Variants in PTPRT observed in about 807,000 individuals in gnomAD.
PTPRT encodes the protein protein tyrosine phosphatase receptor type T.
A neutral mutation model predicts 176.8 loss-of-function variants in PTPRT; 56 were observed. The ratio of observed to expected loss-of-function variants is 0.32; its 90% CI spans 0.26 to 0.40. The LOEUF (loss-of-function observed/expected upper bound fraction) is 0.40, where lower values mean the gene tolerates loss of function less well. PTPRT is among the 10% of genes least tolerant of loss of function. The probability of loss-of-function intolerance (pLI) is 1.00; values close to 1 mark genes in which losing one functional copy is unlikely to be tolerated. For synonymous variants in PTPRT, 783 were observed against 739.0 expected (o/e 1.06, Z -0.96); for missense variants, 1,540 against 1,908.2 (o/e 0.81, Z 3.60).
In PTPRT at chr20:42,076,669, A is replaced by G. The variant is rs1982802106; in HGVS notation, c.*4210T>C. 1 of 198,294 alleles carries G rather than the reference A, an allele frequency of 5.0e-6. No homozygotes were observed. Among genetic ancestry groups the G allele is most frequent in the Non-Finnish European group, 1.0e-5 (1 of 95,956 alleles). The allele number at this position is 198,294 out of a possible 1,614,324, so 12.3% of individuals were successfully genotyped here. On this transcript the variant is annotated 3_prime_UTR_variant, in exon 31 of 31. Coordinates refer to ENST00000373187, the MANE Select transcript of PTPRT (RefSeq NM_007050.6). ...AGTCAATTCTAGGGTCAAGCTGAAG[A>G]CCAGCTGACCTAGGGTCCGTCATAG...
intron 11 of PTPRT, among the ~76,000 whole-genome samples, chr20:42,323,203 G>A (rs990819418): frequency 9.2e-5 from 14 of 152,214 alleles, no homozygotes; most frequent in African/African-American, 1.4e-4. Context: ...TCACTGTGGC[G>A]ATTCCTCAGG....
At chr20:42,528,317 T>A (rs185105949) in intron 7 of PTPRT, among the ~76,000 whole-genome samples, 7 of 152,156 alleles carry the variant, frequency 4.6e-5, no homozygotes, top group Admixed American at 2.0e-4. Context: ...GATTTCCCTG[T>A]CTTTATGTCC....
chr20:42,238,540 A>G (rs1197042303), intron 14 of PTPRT, among the ~76,000 whole-genome samples: 3 of 152,230 alleles, frequency 2.0e-5, no homozygotes, highest in Non-Finnish European at 2.9e-5. Context: ...TGGCAGGTCC[A>G]GTGCCTGGAA....
intron 11 of PTPRT, among the ~76,000 whole-genome samples, chr20:42,338,748 TG>T (rs1252068533): frequency 2.0e-5 from 3 of 152,212 alleles, no homozygotes; most frequent in African/African-American, 7.2e-5. Flanking sequence ...AAGCAGGGCC[TG>T]AATCCTATGT....
chr20:42,818,861 G>A (rs1182632056), intron 2 of PTPRT, among the ~76,000 whole-genome samples: 4 of 152,104 alleles, frequency 2.6e-5, no homozygotes, highest in African/African-American at 9.7e-5. Flanking sequence ...AGAAAAGAAG[G>A]AAAAGGAATG....
intron 1 of PTPRT, among the ~76,000 whole-genome samples, chr20:43,037,483 A>G (rs1351656175): frequency 1.3e-5 from 2 of 152,240 alleles, no homozygotes; most frequent in East Asian, 3.8e-4. Context: ...CCAAAGCAAG[A>G]GAGAGGGATC....
chr20:42,444,109 C>G (rs1161454889), intron 9 of PTPRT, among the ~76,000 whole-genome samples: 1 of 152,188 alleles, frequency 6.6e-6, no homozygotes, highest in Non-Finnish European at 1.5e-5. Context: ...CACCCTTTCC[C>G]CCACACAGTC....
intron 1 of PTPRT, among the ~76,000 whole-genome samples, chr20:42,905,565 G>A (rs968091302): frequency 1.3e-5 from 2 of 152,152 alleles, no homozygotes; most frequent in African/African-American, 2.4e-5. Context: ...TCCCATTACT[G>A]GGTACATACC....
intron 1 of PTPRT, among the ~76,000 whole-genome samples, chr20:42,906,743 G>T (rs1568673570): frequency 6.6e-6 from 1 of 152,190 alleles, no homozygotes; most frequent in Non-Finnish European, 1.5e-5. Context: ...CTGTGAGGGG[G>T]ACAGGGGAAC....
At chr20:42,729,708 G>C (rs1338478698) in intron 6 of PTPRT, among the ~76,000 whole-genome samples, 1 of 152,246 alleles carries the variant, frequency 6.6e-6, no homozygotes, top group South Asian at 2.1e-4. Flanking sequence ...ATTGCACTCA[G>C]ATGTACCCTT....
chr20:42,180,812 T>C (rs1990486742), intron 16 of PTPRT, among the ~76,000 whole-genome samples: 1 of 152,218 alleles, frequency 6.6e-6, no homozygotes, highest in Admixed American at 6.5e-5. Flanking sequence ...TCTTACTTAG[T>C]GGCTTCAGAG....
At chr20:42,829,102 C>T (rs1475664223) in intron 2 of PTPRT, among the ~76,000 whole-genome samples, 1 of 152,182 alleles carries the variant, frequency 6.6e-6, no homozygotes, top group Non-Finnish European at 1.5e-5. Flanking sequence ...GACCAAGCTG[C>T]CCAAGGCCAT....
At chr20:42,559,101 G>A (rs987006782) in intron 7 of PTPRT, among the ~76,000 whole-genome samples, 3 of 152,158 alleles carry the variant, frequency 2.0e-5, no homozygotes, top group African/African-American at 7.2e-5. Flanking sequence ...TGCTTATTAT[G>A]AACTATGGGT....
chr20:43,035,028 G>A (rs538987542), intron 1 of PTPRT, among the ~76,000 whole-genome samples: 33 of 152,156 alleles, frequency 2.2e-4, no homozygotes, highest in Admixed American at 1.9e-3. Context: ...AGTGCAATGT[G>A]TAGAGGAGTC....
intron 12 of PTPRT, among the ~76,000 whole-genome samples, chr20:42,302,874 C>T (rs1173514434): frequency 6.6e-6 from 1 of 152,180 alleles, no homozygotes; most frequent in African/African-American, 2.4e-5. Context: ...TGGCTCTGAT[C>T]TTGAGCAAAT....
intron 7 of PTPRT, among the ~76,000 whole-genome samples, chr20:42,625,666 T>C (rs2074276757): frequency 6.6e-6 from 1 of 152,106 alleles, no homozygotes; most frequent in South Asian, 2.1e-4. Flanking sequence ...GGTGAGTCTA[T>C]AATTCTCAGA....
intron 12 of PTPRT, among the ~76,000 whole-genome samples, chr20:42,292,167 C>T (rs568172665): frequency 1.1e-4 from 16 of 152,216 alleles, no homozygotes; most frequent in South Asian, 4.2e-4. Context: ...GTATTGACAG[C>T]GTTGGGTCCT....
chr20:42,805,812 C>T (rs2077598607), intron 2 of PTPRT, among the ~76,000 whole-genome samples: 1 of 152,098 alleles, frequency 6.6e-6, no homozygotes, highest in South Asian at 2.1e-4. Flanking sequence ...GTATAGATCA[C>T]GTGCCCATAT....
chr20:42,645,669 C>T lies in PTPRT; in HGVS notation c.1153+32197G>A, dbSNP rs6030391. On this transcript the variant is annotated intron_variant, in intron 7 of 30. Coordinates refer to ENST00000373187, the MANE Select transcript of PTPRT (RefSeq NM_007050.6). ...GCTACAACAAAGATAGATCAGGTCA[C>T]GGAGGTCTCTGGGAATAGAGGAAAG... Among the ~76,000 whole-genome samples, 96 of 151,698 alleles carry T rather than the reference C, an allele frequency of 6.3e-4. 1 individual carries two copies. The highest frequency in any genetic ancestry group is 2.2e-3 in the African/African-American group (89 of 41,270).
Sources: gnomAD v4.1 joint callset for allele counts (sites outside exome capture counted in the v4.1 genomes callset) on GRCh38, gnomAD v4.1.1 for gene constraint, MANE v1.5 for transcripts, NCBI Gene and HGNC (gene_info 2026-07-23, HGNC 2026-07-21) for gene names.